EEA1: variants seen among roughly 807,000 people sequenced by gnomAD.
EEA1 encodes the protein early endosome antigen 1, 162kD.
Under a neutral mutation model 209.2 loss-of-function variants are expected in EEA1, and 111 were observed. The observed-to-expected ratio is 0.53, with a 90% CI of 0.45 to 0.62. The LOEUF is 0.62. Among genes scored for constraint, EEA1 ranks in the 20% least tolerant of loss-of-function variants. EEA1 has a pLI of 0.00. For synonymous variants in EEA1, 536 were observed against 540.6 expected (o/e 0.99, Z 0.12); for missense variants, 1,343 against 1,530.8 (o/e 0.88, Z 2.05).
At chr12:92,892,102 GT>G (rs1473368201) in intron 1 of EEA1, among the ~76,000 whole-genome samples, 1 of 152,012 alleles carries the variant, frequency 6.6e-6, no homozygotes, top group African/African-American at 2.4e-5. Context: ...TGTTTTGGTT[GT>G]TTTTTGAGTT....
intron 2 of EEA1, among the ~76,000 whole-genome samples, chr12:92,876,814 A>C (rs186613473): frequency 6.6e-6 from 1 of 150,428 alleles, no homozygotes; most frequent in Non-Finnish European, 1.5e-5. Flanking sequence ...ATAGAGGTAA[A>C]AAGAAAGCTG....
intron 1 of EEA1, among the ~76,000 whole-genome samples, chr12:92,911,974 G>A (rs533698166): frequency 2.6e-5 from 4 of 152,184 alleles, no homozygotes; most frequent in Non-Finnish European, 5.9e-5. Flanking sequence ...TTCCAAGTAT[G>A]CACTGAAATT....
chr12:92,808,978 T>C, intron 18 of EEA1, 39 bp downstream of exon 18: 2 of 1,543,812 alleles, frequency 1.3e-6, no homozygotes, highest in Non-Finnish European at 1.7e-6. Context: ...TAGTTCACAA[T>C]CTTTTCCCTT....
rs372572718 is a variant in EEA1 at position 92,819,358 on chromosome 12, T to C, written c.1678A>G (p.Thr560Ala). 6.2e-7 allele frequency: 1 copy of C among 1,612,802 alleles called. No individual in the cohort carries two copies. The highest frequency in any genetic ancestry group is 8.5e-7 in the Non-Finnish European group (1 of 1,179,438). ...YAKIQAGEGE[T>A]AVLNQLQEKN... ...TCTTGTAACTGGTTAAGAACAGCAG[T>C]CTCTCCTTCACCAGCCTGAATTTTT... is the stretch of plus-strand genomic sequence containing the variant. Residue 560 changes from threonine (T) to alanine (A), a missense_variant, in exon 14 of 29, where the codon ACT (threonine) becomes GCT (alanine). Thr to Ala is a moderately conservative substitution (Grantham distance 58). Around this residue, in one of 3 missense-constraint regions of EEA1, gnomAD observed 1,307 missense variants for 1,465.5 expected, o/e 0.89. Coordinates refer to ENST00000322349, the MANE Select transcript of EEA1 (RefSeq NM_003566.4).
intron 10 of EEA1, among the ~76,000 whole-genome samples, chr12:92,834,567 A>C (rs1876825470): frequency 6.7e-6 from 1 of 150,166 alleles, no homozygotes; most frequent in African/African-American, 2.4e-5. Context: ...AAAAAAAAAA[A>C]AAGAGTACTT....
At position 92,864,854 on chromosome 12, in the gene EEA1, C is replaced by A; in HGVS notation, c.245+6G>T. 1.3e-6 allele frequency: 2 copies of A among 1,587,986 alleles called. No individual in the cohort carries two copies. The highest frequency in any genetic ancestry group is 8.5e-7 in the Non-Finnish European group (1 of 1,169,650). On this transcript the variant is annotated splice_donor_region_variant and intron_variant, in intron 3 of 28. Coordinates refer to ENST00000322349, the MANE Select transcript of EEA1 (RefSeq NM_003566.4). ...AACATTATACTTCAAAATTATCATACCGTACCGCTTCAAAGCAAGATTAGA... is the reference window on the plus strand; with the variant it reads ...AACATTATACTTCAAAATTATCATAACGTACCGCTTCAAAGCAAGATTAGA...
chr12:92,868,008 T>C (rs2136727039), intron 2 of EEA1, among the ~76,000 whole-genome samples: 1 of 152,222 alleles, frequency 6.6e-6, no homozygotes, highest in South Asian at 2.1e-4. Context: ...ATGTTACATT[T>C]AGGAAACAGA....
intron 2 of EEA1, among the ~76,000 whole-genome samples, chr12:92,879,537 G>A (rs1488477252): frequency 8.6e-5 from 13 of 152,016 alleles, no homozygotes; most frequent in African/African-American, 3.1e-4. Flanking sequence ...TTCATTCAAA[G>A]GGAAGGGGGA....
At chr12:92,867,869 A>T (rs915861370) in intron 2 of EEA1, among the ~76,000 whole-genome samples, 16 of 150,420 alleles carry the variant, frequency 1.1e-4, no homozygotes, top group East Asian at 3.9e-4. Context: ...TGTGTGTGAG[A>T]GAGAGAGAGA....
chr12:92,775,194 A>G lies in EEA1; in HGVS notation c.*817T>C, dbSNP rs1300400205. ...ATACAATGTTTATTATTCATCCTCC[A>G]ACTGACAGCGAGGGTAAGAAGCTTT... On this transcript the variant is annotated 3_prime_UTR_variant, in exon 29 of 29. Coordinates refer to ENST00000322349, the MANE Select transcript of EEA1 (RefSeq NM_003566.4). 1 of 151,716 alleles carries G rather than the reference A, an allele frequency of 6.6e-6. No homozygotes were observed. The highest frequency in any genetic ancestry group is 1.5e-5 in the Non-Finnish European group (1 of 67,690). The allele number at this position is 151,716 out of a possible 1,614,324, so 9.4% of individuals were successfully genotyped here.
At chr12:92,866,729 A>T (rs1878414384) in intron 2 of EEA1, among the ~76,000 whole-genome samples, 1 of 152,098 alleles carries the variant, frequency 6.6e-6, no homozygotes, top group South Asian at 2.1e-4. Flanking sequence ...CTGGATCTTT[A>T]ACAACATATA....
intron 1 of EEA1, among the ~76,000 whole-genome samples, chr12:92,920,684 A>G (rs1023620250): frequency 9.9e-5 from 15 of 151,734 alleles, no homozygotes; most frequent in South Asian, 2.1e-4. Flanking sequence ...GGACATAGGC[A>G]TGGGCAAGGA....
chr12:92,889,862 C>A (rs140576745), intron 2 of EEA1, among the ~76,000 whole-genome samples: 1 of 151,932 alleles, frequency 6.6e-6, no homozygotes, highest in African/African-American at 2.4e-5. Flanking sequence ...TACAGTGAGC[C>A]AAGATTGTGC....
chr12:92,812,871 C>A, intron 16 of EEA1, 109 bp downstream of exon 16: 1 of 650,582 alleles, frequency 1.5e-6, no homozygotes, highest in Non-Finnish European at 2.4e-6. Flanking sequence ...GGGGGATAAG[C>A]AAGTCTATCA....
rs966817905 is a variant in EEA1, at chr12:92,771,276, C to T, written c.*4735G>A. The T allele has an allele frequency of 1.3e-5, 2 of 151,972 alleles. No individual in the cohort carries two copies. Among genetic ancestry groups the T allele is most frequent in the Admixed American group, 6.6e-5 (1 of 15,244 alleles). 9.4% of individuals were successfully genotyped at this position (151,972 alleles called of 1,614,324 possible). The stretch of plus-strand genomic sequence containing the variant: ...AAATTTGGCTGCAAGACAACTGAAG[C>T]CTTAGCTGATTTTGTTAAGCTGAAG... On this transcript the variant is annotated 3_prime_UTR_variant, in exon 29 of 29. Transcript: ENST00000322349.
At chr12:92,910,338 G>A (rs1880534066) in intron 1 of EEA1, among the ~76,000 whole-genome samples, 1 of 149,946 alleles carries the variant, frequency 6.7e-6, no homozygotes, top group African/African-American at 2.5e-5. Flanking sequence ...GCATGGTGGT[G>A]CGCACCTGTA....
At chr12:92,791,544 T>C (rs1874404293) in intron 21 of EEA1, among the ~76,000 whole-genome samples, 1 of 152,136 alleles carries the variant, frequency 6.6e-6, no homozygotes, top group Non-Finnish European at 1.5e-5. Context: ...TACATAATGT[T>C]AAAGGGATCA....
intron 21 of EEA1, among the ~76,000 whole-genome samples, chr12:92,794,744 T>TG (rs1874579356): frequency 9.2e-6 from 1 of 108,364 alleles, no homozygotes; most frequent in African/African-American, 3.4e-5. Context: ...GGTGGGGGGC[T>TG]GGGGGAGGGA....
chr12:92,802,480 A>C lies in EEA1; in HGVS notation c.2594T>G (p.Val865Gly). 1 of 1,578,958 alleles carries C rather than the reference A, an allele frequency of 6.3e-7. No individual in the cohort carries two copies. The highest frequency in any genetic ancestry group is 8.5e-7 in the Non-Finnish European group (1 of 1,171,018). ...LSTVKDKLSK[V>G]SDSLKNSKSE... ...TTTAGAGTTTTTCAAAGAATCAGAA[A>C]CTTTTGATAGTTTGTCCTTTACTGT... Residue 865 changes from valine to glycine, a missense_variant, in exon 19 of 29, where the codon GTT (valine) becomes GGT (glycine). Around this residue, in one of 3 missense-constraint regions of EEA1, gnomAD observed 1,307 missense variants for 1,465.5 expected, o/e 0.89. Coordinates refer to ENST00000322349, the MANE Select transcript of EEA1 (RefSeq NM_003566.4).
Sources: allele counts gnomAD v4.1 joint callset (sites outside exome capture counted in the v4.1 genomes callset), GRCh38; gene constraint gnomAD v4.1.1; regional missense constraint gnomAD v4.1.1; transcripts MANE v1.5; gene names NCBI Gene and HGNC (gene_info 2026-07-23, HGNC 2026-07-21).